Variants in MICU1 observed in about 807,000 individuals in gnomAD.
The protein encoded by MICU1 is mitochondrial calcium uptake 1.
In MICU1, 45 loss-of-function variants were observed where a neutral mutation model predicts 56.8. The ratio of observed to expected loss-of-function variants is 0.79; its 90% CI spans 0.62 to 1.02. The LOEUF is 1.02. Among genes scored for constraint, MICU1 ranks in the 50% least tolerant of loss-of-function variants. The pLI, the probability that MICU1 is intolerant of heterozygous loss-of-function variation, is 0.00. For missense variants in MICU1, 504 were observed against 587.1 expected, an observed-to-expected ratio of 0.86 and a Z score of 1.46; for synonymous variants, 186 against 195.1, an observed-to-expected ratio of 0.95 and a Z score of 0.39.
chr10:72,455,356 A>AG, intron 8 of MICU1, among the ~76,000 whole-genome samples: 1 of 142,486 alleles, frequency 7.0e-6, no homozygotes, highest in Non-Finnish European at 1.5e-5. Flanking sequence ...GTCTCAAAAA[A>AG]AAAAAAAAAA....
chr10:72,576,235 A>AAAAAAAAAAAAAAAAC (rs1840741525), intron 1 of MICU1, among the ~76,000 whole-genome samples: 1 of 151,146 alleles, frequency 6.6e-6, no homozygotes. Context: ...CAAAAAAAAA[A>AAAAAAAAAAAAAAAAC]AAAAAAAAAA....
chr10:72,534,902 A>C (rs1017367715), intron 4 of MICU1, among the ~76,000 whole-genome samples: 1 of 152,040 alleles, frequency 6.6e-6, no homozygotes, highest in Non-Finnish European at 1.5e-5. Flanking sequence ...AGAGAGTGTA[A>C]GTCATAAAGG....
chr10:72,420,137 G>A (rs752992592), intron 9 of MICU1, among the ~76,000 whole-genome samples: 25 of 152,040 alleles, frequency 1.6e-4, no homozygotes, highest in Non-Finnish European at 1.5e-4. Context: ...TCGGCTCACC[G>A]CAACCTCTGC....
At chr10:72,413,057 C>G (rs537601781) in intron 9 of MICU1, among the ~76,000 whole-genome samples, 7 of 151,738 alleles carry the variant, frequency 4.6e-5, no homozygotes, top group Non-Finnish European at 1.0e-4. Flanking sequence ...ATTAGCCAGG[C>G]ATGGTGGCAT....
In MICU1 at chr10:72,625,280, G is replaced by A. The variant is rs988765722; in HGVS notation, c.-2+730C>T. On this transcript the variant is annotated intron_variant, in intron 1 of 11. Coordinates refer to ENST00000361114, the MANE Select transcript of MICU1 (RefSeq NM_001195518.2). ...CTACTTATATTTACTAATGGCCACC[G>A]TATTTTTTAAGACATGGAAAATTGG... Among the ~76,000 whole-genome samples, 76 of 152,230 alleles carry A rather than the reference G, an allele frequency of 5.0e-4. 1 individual carries two copies. The highest frequency in any genetic ancestry group is 1.4e-3 in the Admixed American group (21 of 15,290).
chr10:72,374,870 G>A (rs940180225), intron 11 of MICU1, among the ~76,000 whole-genome samples: 5 of 125,590 alleles, frequency 4.0e-5, no homozygotes, highest in Non-Finnish European at 7.9e-5. Context: ...AGGCTGGAGT[G>A]TTGTGGCACG....
chr10:72,536,812 G>A (rs769303515), intron 4 of MICU1, among the ~76,000 whole-genome samples: 4 of 151,938 alleles, frequency 2.6e-5, no homozygotes, highest in Non-Finnish European at 4.4e-5. Flanking sequence ...TTTCAAAATC[G>A]GGGTGTATCT....
At chr10:72,443,805 T>A (rs1169710014) in intron 8 of MICU1, among the ~76,000 whole-genome samples, 6 of 151,774 alleles carry the variant, frequency 4.0e-5, no homozygotes, top group African/African-American at 7.3e-5. Context: ...ATTGTGGAAG[T>A]CAGTGTGGCG....
At chr10:72,543,485 G>A (rs1305872639) in intron 4 of MICU1, among the ~76,000 whole-genome samples, 1 of 148,422 alleles carries the variant, frequency 6.7e-6, no homozygotes, top group East Asian at 1.9e-4. Context: ...ATCAGCCTGG[G>A]CAACATAGCG....
chr10:72,623,375 G>GA (rs71021517), intron 1 of MICU1, among the ~76,000 whole-genome samples: 90,820 of 144,538 alleles, frequency 0.63, 30,098 homozygotes, highest in African/African-American at 0.72. Context: ...GGAGAAGAAA[G>GA]AAAAAAAGAA....
chr10:72,572,699 G>A (rs1253971957), intron 1 of MICU1, among the ~76,000 whole-genome samples: 11 of 152,072 alleles, frequency 7.2e-5, no homozygotes, highest in Middle Eastern at 3.4e-3. Flanking sequence ...AAATGGCTCC[G>A]AAAACTGTGA....
At chr10:72,421,321 T>C (rs977851177) in intron 9 of MICU1, among the ~76,000 whole-genome samples, 4 of 151,886 alleles carry the variant, frequency 2.6e-5, no homozygotes, top group African/African-American at 9.7e-5. Flanking sequence ...AGTGGTGTGA[T>C]CTTGGTTCAC....
intron 10 of MICU1, among the ~76,000 whole-genome samples, chr10:72,379,925 T>C (rs11000277): frequency 0.44 from 66,870 of 151,944 alleles, 18,671 homozygotes; most frequent in Non-Finnish European, 0.64. Context: ...CCCTGGGGTA[T>C]GAATCAGAGT....
At chr10:72,593,831 T>A (rs1841296432) in intron 1 of MICU1, among the ~76,000 whole-genome samples, 2 of 152,140 alleles carry the variant, frequency 1.3e-5, no homozygotes, top group South Asian at 4.1e-4. Context: ...AAAAAACTTG[T>A]ACAATGAAAA....
At chr10:72,475,375 A>G in intron 7 of MICU1, 78 bp from the exon 8 acceptor site, 2 of 1,240,724 alleles carry the variant, frequency 1.6e-6, no homozygotes, top group Non-Finnish European at 2.2e-6. Flanking sequence ...AAGAATCATA[A>G]CTATTGTTTA....
chr10:72,546,045 C>CCA (rs1385515338), intron 4 of MICU1, among the ~76,000 whole-genome samples: 2 of 152,146 alleles, frequency 1.3e-5, no homozygotes, highest in African/African-American at 2.4e-5. Context: ...ATGGCCTGAA[C>CCA]CAGTTTCTCA....
chr10:72,457,906 T>C (rs1016007282), intron 8 of MICU1, among the ~76,000 whole-genome samples: 15 of 152,148 alleles, frequency 9.9e-5, no homozygotes, highest in Non-Finnish European at 4.4e-5. Flanking sequence ...CAGTGGCTCA[T>C]GCTTGTAATC....
At chr10:72,608,332 G>A (rs1477236678) in intron 1 of MICU1, among the ~76,000 whole-genome samples, 5 of 152,134 alleles carry the variant, frequency 3.3e-5, no homozygotes, top group South Asian at 2.1e-4. Context: ...TCGGCAGCCC[G>A]AAGTGCTGGG....
chr10:72,477,639 G>T, intron 6 of MICU1: 1 of 1,154,464 alleles, frequency 8.7e-7, no homozygotes, highest in Non-Finnish European at 1.2e-6. Context: ...GAGACATATT[G>T]CTGCAAAGTA....
Sources: gnomAD v4.1 joint callset for allele counts (sites outside exome capture counted in the v4.1 genomes callset) on GRCh38, gnomAD v4.1.1 for gene constraint, MANE v1.5 for transcripts, NCBI Gene and HGNC (gene_info 2026-07-23, HGNC 2026-07-21) for gene names.